The following CTSB variants were observed in gnomAD, a reference collection of about 807,000 sequenced individuals.
CTSB encodes the protein cathepsin B, also known as APP secretase.
Under a neutral mutation model 44.3 loss-of-function variants are expected in CTSB, and 57 were observed. That is an observed-to-expected ratio of 1.29 (90% confidence interval 1.04 to 1.60). The LOEUF (loss-of-function observed/expected upper bound fraction) is 1.60, where lower values mean the gene tolerates loss of function less well. CTSB is among the 40% of genes most tolerant of loss of function. The pLI, the probability that CTSB is intolerant of heterozygous loss-of-function variation, is 0.00. For synonymous variants in CTSB, 320 were observed against 168.0 expected (o/e 1.91, Z -7.00); for missense variants, 768 against 443.0 (o/e 1.73, Z -6.59).
intron 8 of CTSB, 122 bp from the exon 9 acceptor site, chr8:11,845,911 C>T (rs1736082): frequency 0.23 from 283,683 of 1,227,998 alleles, 36,438 homozygotes; most frequent in Non-Finnish European, 0.26. Flanking sequence ...GAACCTGCTG[C>T]TCCACCAGGA....
At chr8:11,852,467 G>C (rs759091383) in intron 3 of CTSB, 143 bp downstream of exon 3, 10 of 513,640 alleles carry the variant, frequency 1.9e-5, no homozygotes, top group Non-Finnish European at 3.4e-5. Context: ...AAAGAAACAA[G>C]TACTGTACCT....
chr8:11,845,572 G>A (rs888671003), intron 9 of CTSB, 89 bp downstream of exon 9: 28 of 1,492,754 alleles, frequency 1.9e-5, no homozygotes, highest in Non-Finnish European at 2.6e-5. Flanking sequence ...GTTTAAGGCT[G>A]TGCGGTGGGT....
intron 1 of CTSB, among the ~76,000 whole-genome samples, chr8:11,854,163 CCCT>C (rs936392565): frequency 1.5e-4 from 23 of 152,192 alleles, no homozygotes; most frequent in African/African-American, 5.5e-4. Flanking sequence ...CTCTGAGTCA[CCCT>C]CCTAAGTGAG....
intron 2 of CTSB, 94 bp downstream of exon 2, chr8:11,853,235 G>C: frequency 5.9e-6 from 9 of 1,521,264 alleles, no homozygotes; most frequent in Non-Finnish European, 8.1e-6. Flanking sequence ...AATGTTCTGT[G>C]GGCCACAGTG....
rs986478451 is a variant in CTSB at position 11,851,851 on chromosome 8, G to C, written c.212+759C>G. Reference sequence around the variant, plus strand: ...CTGGCAAAGTTTTTTATTTTTAGTAGAGACGGGGTTTCATCATGTTGGTCA... The same window carrying C: ...CTGGCAAAGTTTTTTATTTTTAGTACAGACGGGGTTTCATCATGTTGGTCA... On this transcript the variant is annotated intron_variant, in intron 3 of 9. Coordinates refer to ENST00000353047, the MANE Select transcript of CTSB (RefSeq NM_001908.5). Among the ~76,000 whole-genome samples, 8 of 151,980 alleles carry C rather than the reference G, an allele frequency of 5.3e-5. No homozygotes were observed. The East Asian group carries it at 5.9e-4, about 11-fold the overall frequency.
chr8:11,859,409 G>A (rs943495554), intron 1 of CTSB, among the ~76,000 whole-genome samples: 3 of 152,102 alleles, frequency 2.0e-5, no homozygotes, highest in African/African-American at 4.8e-5. Flanking sequence ...AGTCACAGGA[G>A]GTGTTAAGTC....
At chr8:11,855,876 G>C (rs894748130) in intron 1 of CTSB, among the ~76,000 whole-genome samples, 2 of 152,084 alleles carry the variant, frequency 1.3e-5, no homozygotes, top group East Asian at 3.9e-4. Flanking sequence ...AAATTACCCA[G>C]GTGTGGTGGC....
At chr8:11,864,439 C>T (rs549779567) in intron 1 of CTSB, 2 of 151,842 alleles carry the variant, frequency 1.3e-5, no homozygotes, top group Non-Finnish European at 2.9e-5. Flanking sequence ...TGCCGTGAGC[C>T]GTGGTCGCAC....
At chr8:11,863,609 G>A (rs764969159) in intron 1 of CTSB, among the ~76,000 whole-genome samples, 1 of 152,220 alleles carries the variant, frequency 6.6e-6, no homozygotes, top group South Asian at 2.1e-4. Context: ...ACCTTGAGCA[G>A]TATGATGTAA....
intron 1 of CTSB, among the ~76,000 whole-genome samples, chr8:11,858,493 T>G (rs977632477): frequency 2.0e-5 from 3 of 152,146 alleles, no homozygotes; most frequent in African/African-American, 7.2e-5. Flanking sequence ...TTTTGCTATG[T>G]TGCCCAGGCT....
At chr8:11,860,219 G>T (rs979813157) in intron 1 of CTSB, among the ~76,000 whole-genome samples, 2 of 152,334 alleles carry the variant, frequency 1.3e-5, no homozygotes, top group East Asian at 3.9e-4. Flanking sequence ...CTGGCTGATA[G>T]ACAAAAAAAG....
chr8:11,848,607 G>A, intron 5 of CTSB: 1 of 327,808 alleles, frequency 3.1e-6, no homozygotes, highest in Non-Finnish European at 6.0e-6. Flanking sequence ...AGCCGCCAGT[G>A]AACACCGCTA....
chr8:11,859,923 C>T (rs1747431460), intron 1 of CTSB, among the ~76,000 whole-genome samples: 2 of 150,936 alleles, frequency 1.3e-5, no homozygotes, highest in African/African-American at 2.4e-5. Flanking sequence ...AAATACAAAA[C>T]TCAGCCGGGC....
At chr8:11,847,269 G>C (rs530484167) in intron 7 of CTSB, 101 bp from the exon 8 acceptor site, 6 of 776,292 alleles carry the variant, frequency 7.7e-6, no homozygotes, top group South Asian at 4.5e-5. Flanking sequence ...TCCAGGGGAA[G>C]ACTGCATCTA....
intron 9 of CTSB, 60 bp downstream of exon 9, chr8:11,845,601 A>G (rs1351749158): frequency 1.1e-5 from 18 of 1,578,842 alleles, no homozygotes; most frequent in South Asian, 2.3e-5. Flanking sequence ...GAAAGCCGAG[A>G]TGGCCACGGG....
At chr8:11,866,086 C>A (rs1817106287) in intron 1 of CTSB, among the ~76,000 whole-genome samples, 1 of 151,724 alleles carries the variant, frequency 6.6e-6, no homozygotes, top group Non-Finnish European at 1.5e-5. Context: ...CATCCCAAGG[C>A]ACCCCTGAAA....
rs568655805 is a variant in CTSB, at chr8:11,849,008, C to CA, written c.446+37dup. The CA allele has an allele frequency of 2.9e-4, 434 of 1,510,372 alleles. 9 individuals carry two copies. In the South Asian group the frequency reaches 4.6e-3, roughly 16 times the overall value. The allele number at this position is 1,510,372 out of a possible 1,614,324, so 93.6% of individuals were successfully genotyped here. ...TGAGAAGCTGGGGCCCAGGGTCTCTCAGCACTAAACCCGCTGTGGAAGCAC... is the reference window on the plus strand; with the variant it reads ...TGAGAAGCTGGGGCCCAGGGTCTCTCAAGCACTAAACCCGCTGTGGAAGCAC... On this transcript the variant is annotated intron_variant, in intron 5 of 9. Transcript: ENST00000353047.
intron 1 of CTSB, among the ~76,000 whole-genome samples, chr8:11,865,804 G>C (rs1490684320): frequency 1.4e-5 from 2 of 142,654 alleles, no homozygotes; most frequent in Non-Finnish European, 1.5e-5. Context: ...TCAGGAGTTC[G>C]AAAACCAGCC....
chr8:11,845,275 A>C, intron 9 of CTSB, 53 bp from the exon 10 acceptor site: 2 of 1,352,648 alleles, frequency 1.5e-6, no homozygotes, highest in Non-Finnish European at 1.1e-6. Context: ...CAACCAATAT[A>C]GTCAGACTCA....
Sources: allele counts gnomAD v4.1 joint callset (sites outside exome capture counted in the v4.1 genomes callset), GRCh38; gene constraint gnomAD v4.1.1; transcripts MANE v1.5; gene names NCBI Gene and HGNC (gene_info 2026-07-23, HGNC 2026-07-21).